Variants in RB1 observed in about 807,000 individuals in gnomAD.
RB1 encodes retinoblastoma-associated protein.
A neutral mutation model predicts 135.4 loss-of-function variants in RB1; 18 were observed. The ratio of observed to expected loss-of-function variants is 0.13; its 90% CI spans 0.09 to 0.20. RB1 has a LOEUF of 0.20. Among genes scored for constraint, RB1 ranks in the 10% least tolerant of loss-of-function variants. RB1 has a pLI of 1.00. For missense variants in RB1, 868 were observed against 1,110.0 expected (o/e 0.78, Z 3.10); for synonymous variants, 365 against 373.2 (o/e 0.98, Z 0.25).
At chr13:48,437,650 C>T (rs937657497) in intron 17 of RB1, among the ~76,000 whole-genome samples, 3 of 152,146 alleles carry the variant, frequency 2.0e-5, no homozygotes, top group African/African-American at 7.2e-5. Flanking sequence ...ATTTTTTTTG[C>T]CATGTGAGCC....
rs1018333580 is a variant in RB1, at chr13:48,412,711, T to C, written c.1695+31268T>C. 8.6e-6 allele frequency: 4 copies of C among 463,112 alleles called. No individual in the cohort carries two copies. The Admixed American group carries it at 1.4e-4, about 17-fold the overall frequency. The allele number at this position is 463,112 out of a possible 1,614,324, so 28.7% of individuals were successfully genotyped here. ...TAACTGACGAGCAACCTTTAAAAAATACAGTCAACGAGTCCAACCCATAGG... is the reference window on the plus strand; with the variant it reads ...TAACTGACGAGCAACCTTTAAAAAACACAGTCAACGAGTCCAACCCATAGG... On this transcript the variant is annotated intron_variant, in intron 17 of 26. Coordinates refer to ENST00000267163, the MANE Select transcript of RB1 (RefSeq NM_000321.3).
chr13:48,312,763 G>A (rs866464975), intron 2 of RB1, among the ~76,000 whole-genome samples: 1 of 152,082 alleles, frequency 6.6e-6, no homozygotes, highest in African/African-American at 2.4e-5. Context: ...TTCAGAAGGT[G>A]GAAGCTTATG....
At chr13:48,341,309 T>G (rs1394878312) in intron 2 of RB1, 1 of 152,056 alleles carries the variant, frequency 6.6e-6, no homozygotes, top group Non-Finnish European at 1.5e-5. Context: ...CCCCAATTTA[T>G]TTTTCCATGC....
rs1349657979 is a variant in RB1 at position 48,303,979 on chromosome 13, C to T, written c.67C>T (p.Pro23Ser). ...AAAAAAEPPA[P>S]PPPPPPEEDP... ...CGCTGCCGCCGCGGAACCCCCGGCA[C>T]CGCCGCCGCCGCCCCCTCCTGAGGA... The change falls in exon 1 of 27, where the codon CCG becomes TCG. Residue 23 changes from proline (P) to serine (S), a missense_variant. Pro to Ser is a moderately conservative substitution (Grantham distance 74). Coordinates refer to ENST00000267163, the MANE Select transcript of RB1 (RefSeq NM_000321.3). 2 of 1,496,988 alleles carry T rather than the reference C, an allele frequency of 1.3e-6. No individual in the cohort carries two copies. The highest frequency in any genetic ancestry group is 1.2e-5 in the South Asian group (1 of 80,186). The allele number at this position is 1,496,988 out of a possible 1,614,324, so 92.7% of individuals were successfully genotyped here. A position where few individuals can be genotyped will look rare whatever the true frequency, so the allele number is the denominator to read the frequency against.
intron 17 of RB1, among the ~76,000 whole-genome samples, chr13:48,436,728 A>G (rs71432988): frequency 3.5e-4 from 53 of 152,174 alleles, no homozygotes; most frequent in Non-Finnish European, 6.6e-4. Context: ...AGGACCAGCA[A>G]GGTAAAATGG....
intron 6 of RB1, among the ~76,000 whole-genome samples, chr13:48,352,182 C>A (rs1952554207): frequency 6.6e-6 from 1 of 152,016 alleles, no homozygotes; most frequent in African/African-American, 2.4e-5. Context: ...CTATTCTGTT[C>A]CATTGGTTTA....
At chr13:48,386,411 T>A (rs28865100) in intron 17 of RB1, among the ~76,000 whole-genome samples, 1 of 152,026 alleles carries the variant, frequency 6.6e-6, no homozygotes, top group Non-Finnish European at 1.5e-5. Flanking sequence ...TAATATTCAA[T>A]GTGATGAAAC....
At chr13:48,376,776 A>C (rs1032830244) in intron 12 of RB1, 142 bp from the exon 13 acceptor site, 1 of 1,212,094 alleles carries the variant, frequency 8.3e-7, no homozygotes, top group Non-Finnish European at 1.2e-6. Context: ...GCTTATGTTC[A>C]GTAGTTGTGG....
chr13:48,306,565 A>T (rs111442230), intron 1 of RB1, among the ~76,000 whole-genome samples: 3 of 152,302 alleles, frequency 2.0e-5, no homozygotes, highest in Admixed American at 6.5e-5. Context: ...AACTTCTCCA[A>T]TTTGACAGAC....
chr13:48,476,177 G>A (rs112390751), intron 24 of RB1, among the ~76,000 whole-genome samples: 61 of 152,200 alleles, frequency 4.0e-4, no homozygotes, highest in Non-Finnish European at 6.6e-4. Flanking sequence ...GAATCTATCC[G>A]TCAAATCAGA....
At chr13:48,339,455 T>C (rs1952421266) in intron 2 of RB1, among the ~76,000 whole-genome samples, 1 of 152,162 alleles carries the variant, frequency 6.6e-6, no homozygotes, top group African/African-American at 2.4e-5. Context: ...GCTCCGTGGG[T>C]GTGGGACCCT....
At position 48,360,162 on chromosome 13, in the gene RB1, A is replaced by T. The variant is rs3092868; in HGVS notation, c.718+35A>T. On this transcript the variant is annotated intron_variant, in intron 7 of 26. Transcript: ENST00000267163. ...TAATTTATGCCCCTTTTACTTTCTC[A>T]TTCAGCAGTTGCTTATTGAATGTCT... 1.7e-3 allele frequency: 2,667 copies of T among 1,610,020 alleles called. 44 individuals carry two copies. The African/African-American group carries it at 0.032, about 19-fold the overall frequency.
chr13:48,397,341 G>T (rs1948656631), intron 17 of RB1, among the ~76,000 whole-genome samples: 1 of 152,160 alleles, frequency 6.6e-6, no homozygotes, highest in Admixed American at 6.5e-5. Flanking sequence ...CGTGTCCTTT[G>T]CAGGGACATG....
chr13:48,412,541 G>C, intron 17 of RB1: 1 of 756,584 alleles, frequency 1.3e-6, no homozygotes, highest in East Asian at 2.6e-5. Context: ...TGGATCTTTG[G>C]ATGGTTTTAT....
At chr13:48,476,328 A>G (rs1225683016) in intron 24 of RB1, 31 of 224,650 alleles carry the variant, frequency 1.4e-4, no homozygotes, top group Non-Finnish European at 7.2e-5. Context: ...CTAAAAAACA[A>G]AAAAAGGACA....
In RB1 at chr13:48,411,842, A is replaced by G. The variant is rs760372898; in HGVS notation, c.1695+30399A>G. ...AAGTTACATTTAAAATTAGAGGAAT[A>G]AAAAATCCCACTATTTCGATGAAAA... On this transcript the variant is annotated intron_variant, in intron 17 of 26. Transcript: ENST00000267163. The G allele has an allele frequency of 5.6e-6, 9 of 1,612,988 alleles. No homozygotes were observed. In the Admixed American group the frequency reaches 1.3e-4, roughly 24 times the overall value.
chr13:48,320,854 G>A (rs1952229754), intron 2 of RB1, among the ~76,000 whole-genome samples: 1 of 151,156 alleles, frequency 6.6e-6, no homozygotes, highest in Non-Finnish European at 1.5e-5. Flanking sequence ...AAAAAAAAGA[G>A]TGGCAAGTGG....
intron 23 of RB1, among the ~76,000 whole-genome samples, chr13:48,465,682 C>T (rs1292305955): frequency 2.6e-5 from 4 of 150,988 alleles, no homozygotes; most frequent in East Asian, 2.0e-4. Flanking sequence ...AGACAGTGGG[C>T]GCAGGCCAGT....
intron 17 of RB1, among the ~76,000 whole-genome samples, chr13:48,431,332 A>T (rs1010457660): frequency 6.6e-6 from 1 of 152,106 alleles, no homozygotes; most frequent in Non-Finnish European, 1.5e-5. Flanking sequence ...TTTATTATAG[A>T]TGATTGATTT....
Sources: gnomAD v4.1 joint callset for allele counts (sites outside exome capture counted in the v4.1 genomes callset) on GRCh38, gnomAD v4.1.1 for gene constraint, MANE v1.5 for transcripts, NCBI Gene and HGNC (gene_info 2026-07-23, HGNC 2026-07-21) for gene names.